Variants in SLC35A2 observed in about 807,000 individuals in gnomAD.
The protein encoded by SLC35A2 is UDP-galactose translocator.
In SLC35A2, 1 loss-of-function variant was observed where a neutral mutation model predicts 17.3. The observed-to-expected ratio is 0.06, with a 90% CI of 0.02 to 0.27. The LOEUF (loss-of-function observed/expected upper bound fraction) is 0.27, where lower values mean the gene tolerates loss of function less well. Among genes scored for constraint, SLC35A2 ranks in the 10% least tolerant of loss-of-function variants. SLC35A2 has a pLI of 1.00. For synonymous variants in SLC35A2, 161 were observed against 161.3 expected (o/e 1.00, Z 0.01); for missense variants, 191 against 339.3 (o/e 0.56, Z 3.43).
Position 48,903,789 on chromosome X carries a change from C to T in SLC35A2, c.1164-324G>A, listed in dbSNP as rs938330995. ...TTCCATGCACACACACACCCCGCCC[C>T]GATACAGTTAAGGGGTTAATAAGCT... On this transcript the variant is annotated intron_variant, in intron 4 of 4. Transcript: ENST00000247138. The T allele has an allele frequency of 3.7e-5, 33 of 887,811 alleles. No individual in the cohort carries two copies. In the East Asian group the frequency reaches 1.8e-3, roughly 50 times the overall value. 73.2% of individuals were successfully genotyped at this position (887,811 alleles called of 1,213,427 possible).
chrX:48,907,845 AACCCCGTCTCTACTAAAAATACAAAAATT>A (rs2063502520), intron 2 of SLC35A2, among the ~76,000 whole-genome samples: 1 of 110,058 alleles, frequency 9.1e-6, no homozygotes, highest in African/African-American at 3.3e-5. Flanking sequence ...AACGTGGTGA[AACCCCGTCTCTACTAAAAATACAAAAATT>A]AGCCGGGTGT....
At position 48,910,231 on chromosome X, in the gene SLC35A2, T is replaced by A. The variant is rs1557043768; in HGVS notation, c.92-235A>T. Reference sequence around the variant, plus strand: ...ATGGGCCCCACCCTGTCCCAGTCCATACCTGGAATCCTTACTGAGGTGTCA... The same window carrying A: ...ATGGGCCCCACCCTGTCCCAGTCCAAACCTGGAATCCTTACTGAGGTGTCA... On this transcript the variant is annotated intron_variant, in intron 1 of 4. Coordinates refer to ENST00000247138, the MANE Select transcript of SLC35A2 (RefSeq NM_005660.3). 7.9e-6 allele frequency: 9 copies of A among 1,134,949 alleles called. No individual in the cohort carries two copies. The South Asian group carries it at 1.7e-4, about 22-fold the overall frequency. The allele number at this position is 1,134,949 out of a possible 1,213,427, so 93.5% of individuals were successfully genotyped here. A position where few individuals can be genotyped will look rare whatever the true frequency, so the allele number is the denominator to read the frequency against.
chrX:48,908,781 C>T (rs2063510878), intron 2 of SLC35A2, among the ~76,000 whole-genome samples: 1 of 112,182 alleles, frequency 8.9e-6, no homozygotes, highest in African/African-American at 3.2e-5. Context: ...CTCTTGTTAA[C>T]CTGGAGTTAA....
chrX:48,909,686 C>T, intron 2 of SLC35A2, 128 bp downstream of exon 2: 1 of 585,538 alleles, frequency 1.7e-6, no homozygotes, highest in Non-Finnish European at 2.7e-6. Flanking sequence ...CTACGCATAG[C>T]TGGAGTGGCG....
At position 48,910,016 on chromosome X, in the gene SLC35A2, C is replaced by A; in HGVS notation, c.92-20G>T. On this transcript the variant is annotated intron_variant, in intron 1 of 4. Coordinates refer to ENST00000247138, the MANE Select transcript of SLC35A2 (RefSeq NM_005660.3). ...TGTGAGCTGTGGGGAACGGAAGGGG[C>A]AAGGGGGAAGGACGGGGTCAGAAGC... 2 of 1,187,781 alleles carry A rather than the reference C, an allele frequency of 1.7e-6. No homozygotes were observed. The highest frequency in any genetic ancestry group is 2.3e-6 in the Non-Finnish European group (2 of 877,708).
At position 48,905,054 on chromosome X, in the gene SLC35A2, C is replaced by T. The variant is rs1557042770; in HGVS notation, c.855G>A (p.Val285=). The T allele has an allele frequency of 9.1e-6, 11 of 1,211,182 alleles. No homozygotes were observed. Among genetic ancestry groups the T allele is most frequent in the Non-Finnish European group, 1.0e-5 (9 of 895,016 alleles). Residue 285 remains valine (V), a synonymous_variant, in exon 4 of 5, where the codon GTG becomes GTA. Coordinates refer to ENST00000247138, the MANE Select transcript of SLC35A2 (RefSeq NM_005660.3). ...VLNQAFGGLL[V]AVVVKYADNI... Reference sequence around the variant, plus strand: ...TGTCAGCGTACTTGACAACCACAGCCACCAGTAGCCCGCCGAAGGCCTGGT... The same window carrying T: ...TGTCAGCGTACTTGACAACCACAGCTACCAGTAGCCCGCCGAAGGCCTGGT...
At chrX:48,903,725 A>G (rs1190512598) in intron 4 of SLC35A2, 1 of 983,550 alleles carries the variant, frequency 1.0e-6, no homozygotes, top group Non-Finnish European at 1.3e-6. Flanking sequence ...TAAAGATCCA[A>G]TGGCTCTATT....
chrX:48,903,376 C>T lies in SLC35A2; in HGVS notation c.*62G>A. 3.5e-6 allele frequency: 2 copies of T among 578,200 alleles called. No homozygotes were observed. The highest frequency in any genetic ancestry group is 6.3e-6 in the Non-Finnish European group (2 of 318,635). The allele number at this position is 578,200 out of a possible 1,213,427, so 47.7% of individuals were successfully genotyped here. A position where few individuals can be genotyped will look rare whatever the true frequency, so the allele number is the denominator to read the frequency against. On this transcript the variant is annotated 3_prime_UTR_variant, in exon 5 of 5. Coordinates refer to ENST00000247138, the MANE Select transcript of SLC35A2 (RefSeq NM_005660.3). ...CCCCTAATACTGATCAGAGTTTGGT[C>T]CCAGCTGGGCCAAGGGCAAGAAGAG...
intron 4 of SLC35A2, chrX:48,903,741 A>G: frequency 1.0e-6 from 1 of 967,685 alleles, no homozygotes; most frequent in Non-Finnish European, 1.3e-6. Flanking sequence ...CTATTTACAT[A>G]TAGCAAAGAC....
chrX:48,905,180 T>C lies in SLC35A2; in HGVS notation c.729A>G (p.Thr243=), dbSNP rs782418208. The change falls in exon 4 of 5, where the codon ACA becomes ACG. Residue 243 remains threonine (T), a synonymous_variant. Transcript: ENST00000247138. ...ACCAGAGCCCCACCAGGCCCAGTGC[T>C]GTGCCGAAGAGGCCCAGTTGCAGGT... The part of the protein sequence containing the change: ...LRNLQLGLFG[T]ALGLVGLWWA... 8.3e-7 allele frequency: 1 copy of C among 1,210,037 alleles called. No homozygotes were observed. The highest frequency in any genetic ancestry group is 1.8e-5 in the South Asian group (1 of 56,677).
rs185180662 is a variant in SLC35A2 at position 48,906,857 on chromosome X, A to G, written c.275-314T>C. ...TCAGGGAAAGCACTCAATACTCAAT[A>G]TATTTGTGTACAATGAAATAACCAG... is the stretch of plus-strand genomic sequence containing the variant. On this transcript the variant is annotated intron_variant, in intron 2 of 4. Transcript: ENST00000247138. Among the ~76,000 whole-genome samples, 41 of 112,301 alleles carry G rather than the reference A, an allele frequency of 3.7e-4. No homozygotes were observed. In the East Asian group the frequency reaches 0.011, roughly 29 times the overall value.
rs1348546724 is a variant in SLC35A2 at position 48,905,423 on chromosome X, G to A, written c.486C>T (p.Arg162=). ...AGGCCCACTGCAGCCGGGAAAGGCTGCGATTCAGCATGAGCACGGAGAACA... is the reference window on the plus strand; with the variant it reads ...AGGCCCACTGCAGCCGGGAAAGGCTACGATTCAGCATGAGCACGGAGAACA... ...TALFSVLMLN[R]SLSRLQWASL... Residue 162 remains arginine (R), a synonymous_variant, in exon 4 of 5, where the codon CGC becomes CGT. Coordinates refer to ENST00000247138, the MANE Select transcript of SLC35A2 (RefSeq NM_005660.3). 5.1e-6 allele frequency: 6 copies of A among 1,185,195 alleles called. No homozygotes were observed. In the African/African-American group the frequency reaches 1.1e-4, roughly 21 times the overall value.
In SLC35A2 at chrX:48,907,085, C is replaced by T. The variant is rs182507485; in HGVS notation, c.275-542G>A. 7.6e-5 allele frequency among the ~76,000 whole-genome samples: 8 copies of T among 104,731 alleles called. No individual in the cohort carries two copies. In the East Asian group the frequency reaches 2.6e-3, roughly 34 times the overall value. 90.9% of individuals were successfully genotyped at this position (104,731 alleles called of 115,157 possible). A position where few individuals can be genotyped will look rare whatever the true frequency, so the allele number is the denominator to read the frequency against. ...TTGGGAGGCTGAGGCAGGAGAATTG[C>T]TTGAACCTGGGAGGTGGAGGTTGCA... On this transcript the variant is annotated intron_variant, in intron 2 of 4. Coordinates refer to ENST00000247138, the MANE Select transcript of SLC35A2 (RefSeq NM_005660.3).
At position 48,905,162 on chromosome X, in the gene SLC35A2, C is replaced by T. The variant is rs144809041; in HGVS notation, c.747G>A (p.Gly249=). ...GLFGTALGLV[G]LWWAEGTAVA... ...CGGCGGTACCCTCAGCCCACCAGAG[C>T]CCCACCAGGCCCAGTGCTGTGCCGA... The change falls in exon 4 of 5, where the codon GGG becomes GGA. Residue 249 remains glycine (G), a synonymous_variant. Coordinates refer to ENST00000247138, the MANE Select transcript of SLC35A2 (RefSeq NM_005660.3). 26 of 1,208,385 alleles carry T rather than the reference C, an allele frequency of 2.2e-5. No homozygotes were observed. The African/African-American group carries it at 4.2e-4, about 19-fold the overall frequency.
rs1557043650 is a variant in SLC35A2 at position 48,909,924 on chromosome X, C to T, written c.164G>A (p.Arg55His). The change falls in exon 2 of 5, where the codon CGC (arginine) becomes CAC (histidine). Residue 55 changes from arginine (R) to histidine (H), a missense_variant. Physicochemically the swap from Arg to His is conservative, Grantham distance 29. Around this residue, in one of 2 missense-constraint regions of SLC35A2, gnomAD observed 164 missense variants for 315.3 expected, o/e 0.52. Coordinates refer to ENST00000247138, the MANE Select transcript of SLC35A2 (RefSeq NM_005660.3). ...VQNASLILSI[R>H]YARTLPGDRF... is the part of the protein sequence containing the mutation. ...GTCCCCTGGCAACGTGCGGGCGTAGCGGATGCTGAGGATGAGGGAGGCATT... is the reference window on the plus strand; with the variant it reads ...GTCCCCTGGCAACGTGCGGGCGTAGTGGATGCTGAGGATGAGGGAGGCATT... The T allele has an allele frequency of 5.0e-6, 6 of 1,208,877 alleles. No individual in the cohort carries two copies. Among genetic ancestry groups the T allele is most frequent in the Non-Finnish European group, 6.7e-6 (6 of 894,321 alleles).
In SLC35A2 at chrX:48,903,280, A is replaced by C; in HGVS notation, c.*158T>G. On this transcript the variant is annotated 3_prime_UTR_variant, in exon 5 of 5. Coordinates refer to ENST00000247138, the MANE Select transcript of SLC35A2 (RefSeq NM_005660.3). ...GCTGAGCTGAGGTGGGTCATGAGAG[A>C]GCTTAGTCATGTTGGCCCTGGGTGG... 1 of 763,225 alleles carries C rather than the reference A, an allele frequency of 1.3e-6. No individual in the cohort carries two copies. The highest frequency in any genetic ancestry group is 2.0e-6 in the Non-Finnish European group (1 of 505,990). 62.9% of individuals were successfully genotyped at this position (763,225 alleles called of 1,213,427 possible).
intron 2 of SLC35A2, among the ~76,000 whole-genome samples, chrX:48,907,380 T>C (rs1160518232): frequency 1.9e-5 from 2 of 106,995 alleles, no homozygotes; most frequent in Non-Finnish European, 1.9e-5. Flanking sequence ...CCCAAGTAGC[T>C]TGGACTACAG....
chrX:48,903,891 C>G (rs781886728), intron 4 of SLC35A2: 39 of 777,914 alleles, frequency 5.0e-5, no homozygotes, highest in Non-Finnish European at 5.9e-5. Flanking sequence ...CCTCACACAG[C>G]CAGACGGATA....
At chrX:48,908,444 G>C (rs1180067367) in intron 2 of SLC35A2, among the ~76,000 whole-genome samples, 1 of 110,841 alleles carries the variant, frequency 9.0e-6, no homozygotes, top group Admixed American at 9.7e-5. Flanking sequence ...TCACAGCTGG[G>C]TGTCACTCCA....
Sources: allele counts gnomAD v4.1 joint callset (sites outside exome capture counted in the v4.1 genomes callset), GRCh38; gene constraint gnomAD v4.1.1; regional missense constraint gnomAD v4.1.1; transcripts MANE v1.5; gene names NCBI Gene and HGNC (gene_info 2026-07-23, HGNC 2026-07-21).